Variants in UNC80 observed in about 807,000 individuals in gnomAD.
The protein encoded by UNC80 is unc-80 subunit of NALCN channel complex, also known as protein unc-80 homolog.
In UNC80, 164 loss-of-function variants were observed where a neutral mutation model predicts 384.6. That is an observed-to-expected ratio of 0.43 (90% confidence interval 0.38 to 0.49). The LOEUF is 0.49. Among genes scored for constraint, UNC80 ranks in the 20% least tolerant of loss-of-function variants. The probability of loss-of-function intolerance (pLI) is 0.00; values close to 1 mark genes in which losing one functional copy is unlikely to be tolerated. For synonymous variants in UNC80, 1,486 were observed against 1,527.8 expected (o/e 0.97, Z 0.64); for missense variants, 3,330 against 4,143.0 (o/e 0.80, Z 5.39).
intron 38 of UNC80, 45 bp downstream of exon 38, chr2:209,931,099 T>C: frequency 1.4e-6 from 2 of 1,383,110 alleles, no homozygotes; most frequent in South Asian, 2.6e-5. Context: ...AGCACCATGA[T>C]GAAAAGGTCT....
chr2:209,856,626 C>T (rs1053978443), intron 22 of UNC80, among the ~76,000 whole-genome samples: 5 of 151,860 alleles, frequency 3.3e-5, no homozygotes, highest in Admixed American at 6.6e-5. Flanking sequence ...CTTTCATTCT[C>T]GTGGAAAAAT....
At chr2:209,842,231 A>C in intron 20 of UNC80, 119 bp from the exon 21 acceptor site, 1 of 721,422 alleles carries the variant, frequency 1.4e-6, no homozygotes, top group Non-Finnish European at 2.2e-6. Flanking sequence ...AAGCCAGAAG[A>C]GCAAAGTAAT....
chr2:209,791,346 G>A (rs1265173966), intron 6 of UNC80, among the ~76,000 whole-genome samples: 5 of 151,880 alleles, frequency 3.3e-5, no homozygotes, highest in Non-Finnish European at 7.4e-5. Flanking sequence ...ATTGACTGTC[G>A]CTGCAAGACC....
chr2:209,881,560 T>C (rs1217596632), intron 25 of UNC80, among the ~76,000 whole-genome samples: 3 of 152,106 alleles, frequency 2.0e-5, no homozygotes, highest in Non-Finnish European at 4.4e-5. Flanking sequence ...AAACGTACAT[T>C]GTTATTTCTG....
chr2:209,826,189 G>T, intron 14 of UNC80, 136 bp downstream of exon 14: 1 of 1,090,482 alleles, frequency 9.2e-7, no homozygotes, highest in Non-Finnish European at 1.2e-6. Flanking sequence ...CTGTTTTGGT[G>T]TGAGGAGATT....
Position 209,976,192 on chromosome 2 carries a change from G to A in UNC80, c.8661G>A (p.Lys2887=). The A allele has an allele frequency of 6.4e-7, 1 of 1,551,694 alleles. No homozygotes were observed. The highest frequency in any genetic ancestry group is 8.7e-7 in the Non-Finnish European group (1 of 1,146,992). The part of the protein sequence containing the change: ...SQWYWLSLQV[K]EMALRKVGGL... Reference sequence around the variant, plus strand: ...GGTACTGGCTGAGCCTCCAGGTGAAGGAGATGGCTCTGCGGAAGGTGGGAG... The same window carrying A: ...GGTACTGGCTGAGCCTCCAGGTGAAAGAGATGGCTCTGCGGAAGGTGGGAG... The change falls in exon 57 of 65, where the codon AAG becomes AAA. Residue 2887 remains lysine, a synonymous_variant. Transcript: ENST00000673920. The surrounding 1 kb of genome is among the most constrained non-coding windows in gnomAD (Gnocchi z 4.3).
chr2:209,797,180 C>CT lies in UNC80; in HGVS notation c.938+3329dup, dbSNP rs373972580. On this transcript the variant is annotated intron_variant, in intron 7 of 64. Transcript: ENST00000673920. ...TTCCTTTGTATTGTTAAACAATATT[C>CT]TTTTTTTTCCTTTATTTCTTCTAAA... Among the ~76,000 whole-genome samples, 152 of 152,096 alleles carry CT rather than the reference C, an allele frequency of 1.0e-3. No individual in the cohort carries two copies. The Middle Eastern group carries it at 0.01, about 10-fold the overall frequency.
chr2:209,923,702 G>C (rs1178809283), intron 35 of UNC80, among the ~76,000 whole-genome samples: 1 of 152,010 alleles, frequency 6.6e-6, no homozygotes, highest in Non-Finnish European at 1.5e-5. Context: ...TTCACTTACA[G>C]TATACTTTGT....
intron 60 of UNC80, among the ~76,000 whole-genome samples, chr2:209,984,383 T>C (rs968385425): frequency 2.0e-5 from 3 of 152,198 alleles, no homozygotes; most frequent in African/African-American, 7.2e-5. Context: ...AAGAGCTTGG[T>C]TGTGGCAGTT....
At chr2:209,780,433 T>C (rs2077092643) in intron 4 of UNC80, among the ~76,000 whole-genome samples, 1 of 152,238 alleles carries the variant, frequency 6.6e-6, no homozygotes, top group Admixed American at 6.5e-5. Context: ...GTCAGTAATT[T>C]TGGCCACAAG....
intron 13 of UNC80, among the ~76,000 whole-genome samples, chr2:209,824,225 T>C (rs1338272171): frequency 6.6e-6 from 1 of 152,078 alleles, no homozygotes; most frequent in South Asian, 2.1e-4. Flanking sequence ...TGTTGATAAG[T>C]TTGAGTCTTC....
intron 22 of UNC80, among the ~76,000 whole-genome samples, chr2:209,866,496 A>ACC (rs1381242424): frequency 4.3e-5 from 5 of 117,548 alleles, no homozygotes; most frequent in Non-Finnish European, 8.9e-5. Flanking sequence ...ACCCCCACAC[A>ACC]CACACACACA....
At chr2:209,906,540 C>G (rs958536081) in intron 29 of UNC80, among the ~76,000 whole-genome samples, 1 of 152,022 alleles carries the variant, frequency 6.6e-6, no homozygotes, top group Non-Finnish European at 1.5e-5. Context: ...ATTATCCACA[C>G]TTTATATCTA....
chr2:209,828,124 AAC>A (rs200592038), intron 14 of UNC80, among the ~76,000 whole-genome samples: 1,820 of 152,300 alleles, frequency 0.012, 39 homozygotes, highest in African/African-American at 0.04. Context: ...TTTTATAGAA[AAC>A]ACAGAATAAT....
intron 26 of UNC80, among the ~76,000 whole-genome samples, chr2:209,893,019 T>G (rs974335333): frequency 1.3e-5 from 2 of 152,348 alleles, no homozygotes; most frequent in East Asian, 3.9e-4. Flanking sequence ...TTTCACATTA[T>G]TCAGCAGGAA....
intron 28 of UNC80, among the ~76,000 whole-genome samples, chr2:209,899,943 A>C (rs369402199): frequency 6.6e-6 from 1 of 152,162 alleles, no homozygotes; most frequent in East Asian, 1.9e-4. Context: ...GGTAATTCCA[A>C]ATTCTAATTT....
At chr2:209,969,948 C>G (rs1345527713) in intron 53 of UNC80, 57 bp downstream of exon 53, 3 of 1,537,868 alleles carry the variant, frequency 2.0e-6, no homozygotes, top group Non-Finnish European at 2.6e-6. Flanking sequence ...CTGCTATTGA[C>G]TTCTCTGAAT....
chr2:209,954,138 G>A lies in UNC80; in HGVS notation c.7325G>A (p.Cys2442Tyr). 3 of 1,550,882 alleles carry A rather than the reference G, an allele frequency of 1.9e-6. No individual in the cohort carries two copies. Among genetic ancestry groups the A allele is most frequent in the Non-Finnish European group, 8.7e-7 (1 of 1,146,896 alleles). The change falls in exon 48 of 65, where the codon TGT (cysteine) becomes TAT (tyrosine). Residue 2442 changes from cysteine to tyrosine, a missense_variant. Transcript: ENST00000673920. Reference protein sequence around the residue: ...MLMVLEALVPCYLQKLKRQTS... With the variant: ...MLMVLEALVPYYLQKLKRQTS... ...ATGGTCTTAGAAGCCTTAGTTCCAT[G>A]TTACCTACAAAAGCTAAAGAGGCAG...
At chr2:209,874,536 T>C (rs541873563) in intron 23 of UNC80, among the ~76,000 whole-genome samples, 1 of 152,236 alleles carries the variant, frequency 6.6e-6, no homozygotes, top group South Asian at 2.1e-4. Flanking sequence ...CAACTGCACA[T>C]ACCTCTGTCT....
Sources: gnomAD v4.1 joint callset for allele counts (sites outside exome capture counted in the v4.1 genomes callset) on GRCh38, gnomAD v4.1.1 for gene constraint, Gnocchi (gnomAD v3.1) non-coding constraint, MANE v1.5 for transcripts, NCBI Gene and HGNC (gene_info 2026-07-23, HGNC 2026-07-21) for gene names.